ATP2B4: variants seen among roughly 807,000 people sequenced by gnomAD.
ATP2B4 encodes the protein ATPase plasma membrane Ca2+ transporting 4, also known as plasma membrane calcium-transporting ATPase 4.
In ATP2B4, 39 loss-of-function variants were observed where a neutral mutation model predicts 110.3. The observed-to-expected ratio is 0.35, with a 90% confidence interval of 0.27 to 0.46. ATP2B4 has a LOEUF of 0.46. ATP2B4 is among the 20% of genes least tolerant of loss of function. ATP2B4 has a pLI of 1.00. For missense variants in ATP2B4, 1,135 were observed against 1,530.9 expected, an observed-to-expected ratio of 0.74 and a Z score of 4.32; for synonymous variants, 538 against 571.7, an observed-to-expected ratio of 0.94 and a Z score of 0.84.
At chr1:203,660,355 C>G (rs998755606) in intron 1 of ATP2B4, among the ~76,000 whole-genome samples, 3 of 152,146 alleles carry the variant, frequency 2.0e-5, no homozygotes, top group African/African-American at 4.8e-5. Flanking sequence ...ATAGCTATCA[C>G]AAAAGGTAGT....
rs139697478 is a variant in ATP2B4 at position 203,710,924 on chromosome 1, A to G, written c.1847A>G (p.Asn616Ser). The G allele has an allele frequency of 4.6e-5, 75 of 1,614,062 alleles. No individual in the cohort carries two copies. Among genetic ancestry groups the G allele is most frequent in the Middle Eastern group, 1.6e-4 (1 of 6,084 alleles). The change falls in exon 12 of 21, where the codon AAT becomes AGT. Residue 616 changes from asparagine (N) to serine (S), a missense_variant. Transcript: ENST00000357681. ...AAAGGGGAAGCAGTGCCATTCAAGAATAAAGACAGAGATGATATGGTACGC... is the reference window on the plus strand; with the variant it reads ...AAAGGGGAAGCAGTGCCATTCAAGAGTAAAGACAGAGATGATATGGTACGC... ...DRKGEAVPFK[N>S]KDRDDMVRTV...
chr1:203,711,194 C>G, intron 12 of ATP2B4, 86 bp downstream of exon 12: 1 of 1,244,210 alleles, frequency 8.0e-7, no homozygotes. Context: ...GGTAACCTAA[C>G]TGCCTCTCAC....
At chr1:203,718,025 C>G (rs1666210391) in intron 15 of ATP2B4, among the ~76,000 whole-genome samples, 1 of 152,070 alleles carries the variant, frequency 6.6e-6, no homozygotes, top group Non-Finnish European at 1.5e-5. Context: ...GTGTTCCTTG[C>G]TACTGAGTAG....
intron 20 of ATP2B4, among the ~76,000 whole-genome samples, chr1:203,728,729 T>G (rs1463857991): frequency 1.3e-5 from 2 of 152,092 alleles, no homozygotes; most frequent in African/African-American, 2.4e-5. Flanking sequence ...TAGTGGCACA[T>G]GCCTGTAATC....
intron 6 of ATP2B4, 81 bp from the exon 7 acceptor site, chr1:203,701,963 C>A: frequency 1.4e-6 from 2 of 1,479,938 alleles, no homozygotes; most frequent in Non-Finnish European, 1.9e-6. Context: ...TCCTTCTGGG[C>A]TCTGAGCAGG....
chr1:203,647,888 T>A (rs1010673879), intron 1 of ATP2B4, among the ~76,000 whole-genome samples: 2 of 151,976 alleles, frequency 1.3e-5, no homozygotes, highest in African/African-American at 4.8e-5. Flanking sequence ...GGATGAGAAA[T>A]CAGAGAGGGG....
At chr1:203,686,685 CTTTTTTTTTTT>C (rs779048789) in intron 2 of ATP2B4, among the ~76,000 whole-genome samples, 849 of 42,804 alleles carry the variant, frequency 0.02, 31 homozygotes, top group African/African-American at 0.077. Context: ...TCTTTTCTTT[CTTTTTTTTTTT>C]TTTTTTTTTT....
Position 203,709,424 on chromosome 1 carries a change from A to G in ATP2B4, c.1681A>G (p.Lys561Glu). 6.2e-7 allele frequency: 1 copy of G among 1,614,164 alleles called. No homozygotes were observed. The highest frequency in any genetic ancestry group is 8.5e-7 in the Non-Finnish European group (1 of 1,180,032). ...QAVRNEVPEE[K>E]LYKVYTFNSV... The stretch of plus-strand genomic sequence containing the variant: ...TGTGCGTAATGAAGTGCCCGAGGAG[A>G]AGCTCTACAAGGTGTACACCTTTAA... Residue 561 changes from lysine to glutamate, a missense_variant, in exon 11 of 21, where the codon AAG becomes GAG. Lys to Glu is a moderately conservative substitution (Grantham distance 56). Coordinates refer to ENST00000357681, the MANE Select transcript of ATP2B4 (RefSeq NM_001684.5).
chr1:203,703,010 C>T (rs1469261749), intron 7 of ATP2B4, among the ~76,000 whole-genome samples: 1 of 151,984 alleles, frequency 6.6e-6, no homozygotes, highest in East Asian at 1.9e-4. Flanking sequence ...AGCTTCTTCC[C>T]TCTTCCCCAA....
At chr1:203,696,109 T>C (rs11579708) in intron 2 of ATP2B4, among the ~76,000 whole-genome samples, 42 of 152,056 alleles carry the variant, frequency 2.8e-4, no homozygotes, top group Non-Finnish European at 5.3e-4. Flanking sequence ...GTATTTTTAG[T>C]AGAGATGAGG....
chr1:203,672,028 G>T (rs549628399), intron 1 of ATP2B4, among the ~76,000 whole-genome samples: 1 of 152,300 alleles, frequency 6.6e-6, no homozygotes, highest in South Asian at 2.1e-4. Context: ...GGGCTGGGGG[G>T]AGGGAGGAGT....
At chr1:203,647,663 G>T (rs1017961865) in intron 1 of ATP2B4, among the ~76,000 whole-genome samples, 2 of 152,102 alleles carry the variant, frequency 1.3e-5, no homozygotes, top group Admixed American at 6.6e-5. Flanking sequence ...GGAGGCTGAG[G>T]TGGGAGGCTT....
At position 203,656,890 on chromosome 1, in the gene ATP2B4, G is replaced by A. The variant is rs2102326336; in HGVS notation, c.-464-25852G>A. 7.5e-6 allele frequency: 4 copies of A among 534,278 alleles called. No homozygotes were observed. The East Asian group carries it at 1.3e-4, about 17-fold the overall frequency. The allele number at this position is 534,278 out of a possible 1,614,324, so 33.1% of individuals were successfully genotyped here. On this transcript the variant is annotated intron_variant, in intron 1 of 20. Coordinates refer to ENST00000357681, the MANE Select transcript of ATP2B4 (RefSeq NM_001684.5). Reference sequence around the variant, plus strand: ...CTCTTGATTGCAGACATATATGGCTGTTTGGTAGAAACATTACAGTAATGG... The same window carrying A: ...CTCTTGATTGCAGACATATATGGCTATTTGGTAGAAACATTACAGTAATGG...
Position 203,698,161 on chromosome 1 carries a change from G to C in ATP2B4, c.198G>C (p.Leu66=). ...SRLKTSPVEG[L]SGNPADLEKR... is the part of the protein sequence containing the mutation. ...CCACTCCTATCTCCTTTTCAGGTCT[G>C]TCTGGGAACCCTGCAGATCTGGAGA... Residue 66 remains leucine (L), a synonymous_variant, in exon 3 of 21, where the codon CTG becomes CTC. Coordinates refer to ENST00000357681, the MANE Select transcript of ATP2B4 (RefSeq NM_001684.5). 2 of 1,614,050 alleles carry C rather than the reference G, an allele frequency of 1.2e-6. No individual in the cohort carries two copies. Among genetic ancestry groups the C allele is most frequent in the Admixed American group, 1.7e-5 (1 of 60,002 alleles).
In ATP2B4 at chr1:203,657,649, G is replaced by T. The variant is rs1244681164; in HGVS notation, c.-464-25093G>T. The T allele has an allele frequency of 1.8e-5, 15 of 837,514 alleles. No homozygotes were observed. The Admixed American group carries it at 2.6e-4, about 14-fold the overall frequency. The allele number at this position is 837,514 out of a possible 1,614,324, so 51.9% of individuals were successfully genotyped here. ...TGCTTTGCCTTCTTTGAACGTTCAT[G>T]AGCCTCTCGTTCATAAGCCTCTCAG... is the stretch of plus-strand genomic sequence containing the variant. On this transcript the variant is annotated intron_variant, in intron 1 of 20. Transcript: ENST00000357681.
At chr1:203,635,376 C>T (rs376518739) in intron 1 of ATP2B4, among the ~76,000 whole-genome samples, 6 of 152,200 alleles carry the variant, frequency 3.9e-5, no homozygotes, top group East Asian at 1.9e-4. Context: ...TCAAGCAATC[C>T]TCCGACCTCA....
At chr1:203,721,117 G>T in intron 16 of ATP2B4, 80 bp from the exon 17 acceptor site, 1 of 1,457,532 alleles carries the variant, frequency 6.9e-7, no homozygotes, top group Non-Finnish European at 9.5e-7. Flanking sequence ...TAGGTGGGTC[G>T]TGGGAGCTGG....
intron 1 of ATP2B4, among the ~76,000 whole-genome samples, chr1:203,657,996 C>T (rs967143254): frequency 6.6e-6 from 1 of 151,938 alleles, no homozygotes; most frequent in Admixed American, 6.6e-5. Flanking sequence ...GAACCACGGC[C>T]GATCATTAGC....
At chr1:203,716,840 C>G (rs1666170755) in intron 15 of ATP2B4, among the ~76,000 whole-genome samples, 1 of 145,058 alleles carries the variant, frequency 6.9e-6, no homozygotes, top group Non-Finnish European at 1.5e-5. Flanking sequence ...TAGACCCTTT[C>G]TTTCATTGAG....
Sources: allele counts gnomAD v4.1 joint callset (sites outside exome capture counted in the v4.1 genomes callset), GRCh38; gene constraint gnomAD v4.1.1; transcripts MANE v1.5; gene names NCBI Gene and HGNC (gene_info 2026-07-23, HGNC 2026-07-21).